Variants in FAM168A observed in about 807,000 individuals in gnomAD.
FAM168A encodes family with sequence similarity 168 member A.
A neutral mutation model predicts 28.5 loss-of-function variants in FAM168A; 3 were observed. The ratio of observed to expected loss-of-function variants is 0.11; its 90% CI spans 0.05 to 0.27. The LOEUF is 0.27. FAM168A is among the 10% of genes least tolerant of loss of function. The pLI is 1.00. For missense variants in FAM168A, 222 were observed against 311.5 expected, an observed-to-expected ratio of 0.71 and a Z score of 2.16; for synonymous variants, 122 against 124.2, an observed-to-expected ratio of 0.98 and a Z score of 0.12.
intron 1 of FAM168A, among the ~76,000 whole-genome samples, chr11:73,549,857 C>T (rs1339996912): frequency 1.3e-5 from 2 of 152,192 alleles, no homozygotes; most frequent in Non-Finnish European, 2.9e-5. Context: ...TCCTTCACCC[C>T]AAACCGAAGT....
At chr11:73,543,744 C>G (rs1943687738) in intron 1 of FAM168A, among the ~76,000 whole-genome samples, 1 of 152,178 alleles carries the variant, frequency 6.6e-6, no homozygotes. Flanking sequence ...CTCTGGGACT[C>G]TCTTATAATC....
At chr11:73,554,915 C>G (rs1259425162) in intron 1 of FAM168A, among the ~76,000 whole-genome samples, 1 of 152,118 alleles carries the variant, frequency 6.6e-6, no homozygotes, top group Non-Finnish European at 1.5e-5. Context: ...CTGCTAAAAT[C>G]CATAAGTTCC....
At chr11:73,414,463 T>A (rs1198926232) in intron 4 of FAM168A, among the ~76,000 whole-genome samples, 1 of 152,138 alleles carries the variant, frequency 6.6e-6, no homozygotes, top group African/African-American at 2.4e-5. Flanking sequence ...CACCCCTGAA[T>A]CAGAAGGTGC....
chr11:73,585,564 T>C (rs1349771996), intron 1 of FAM168A, among the ~76,000 whole-genome samples: 1 of 152,154 alleles, frequency 6.6e-6, no homozygotes, highest in Admixed American at 6.5e-5. Flanking sequence ...GTTTTACATT[T>C]ATCATCAAGA....
At chr11:73,562,600 G>C (rs1289178264) in intron 1 of FAM168A, among the ~76,000 whole-genome samples, 2 of 152,124 alleles carry the variant, frequency 1.3e-5, no homozygotes, top group African/African-American at 4.8e-5. Flanking sequence ...GCTGAGGCAG[G>C]CAGATCACCT....
intron 1 of FAM168A, among the ~76,000 whole-genome samples, chr11:73,518,264 T>C (rs1943330668): frequency 6.6e-6 from 1 of 152,084 alleles, no homozygotes; most frequent in Non-Finnish European, 1.5e-5. Flanking sequence ...ACAGATTGTA[T>C]TTTCCAAAGA....
At chr11:73,525,309 T>C (rs1020091530) in intron 1 of FAM168A, among the ~76,000 whole-genome samples, 1 of 152,208 alleles carries the variant, frequency 6.6e-6, no homozygotes, top group East Asian at 1.9e-4. Flanking sequence ...CAATTTTTTT[T>C]AAACTGGGGA....
chr11:73,447,275 A>G (rs559501044), intron 2 of FAM168A, among the ~76,000 whole-genome samples: 147 of 152,164 alleles, frequency 9.7e-4, no homozygotes, highest in African/African-American at 3.5e-3. Context: ...ATTGCTGGGC[A>G]TGGTGCCTCA....
chr11:73,430,917 G>C lies in FAM168A; in HGVS notation c.71-147C>G. ...GTCTCTCCATGGGCTATTCCAGATAGTATATGTGACCAGCTTTCAGCCTCT... is the reference window on the plus strand; with the variant it reads ...GTCTCTCCATGGGCTATTCCAGATACTATATGTGACCAGCTTTCAGCCTCT... On this transcript the variant is annotated intron_variant, in intron 2 of 7. Coordinates refer to ENST00000356467, the MANE Select transcript of FAM168A (RefSeq NM_015159.3). The C allele has an allele frequency of 7.1e-6, 4 of 562,462 alleles. No individual in the cohort carries two copies. In the South Asian group the frequency reaches 7.4e-5, roughly 10 times the overall value. The allele number at this position is 562,462 out of a possible 1,614,324, so 34.8% of individuals were successfully genotyped here.
chr11:73,506,447 A>C (rs1187537063), intron 1 of FAM168A, among the ~76,000 whole-genome samples: 2 of 152,138 alleles, frequency 1.3e-5, no homozygotes, highest in East Asian at 1.9e-4. Context: ...GCAGTGATTC[A>C]AAATACTTTC....
At chr11:73,419,536 G>A (rs1044474599) in intron 4 of FAM168A, among the ~76,000 whole-genome samples, 1 of 151,984 alleles carries the variant, frequency 6.6e-6, no homozygotes, top group Non-Finnish European at 1.5e-5. Flanking sequence ...CTAGAGGGGG[G>A]AGCCCTCTCT....
At chr11:73,425,364 C>T (rs531724294) in intron 3 of FAM168A, among the ~76,000 whole-genome samples, 1 of 152,276 alleles carries the variant, frequency 6.6e-6, no homozygotes, top group Non-Finnish European at 1.5e-5. Context: ...TTCAGTTCTC[C>T]CAGGAACTGC....
At chr11:73,566,935 T>C (rs1264248668) in intron 1 of FAM168A, among the ~76,000 whole-genome samples, 1 of 152,176 alleles carries the variant, frequency 6.6e-6, no homozygotes, top group Non-Finnish European at 1.5e-5. Context: ...AGGCCATGTT[T>C]GCCAAGTTGA....
chr11:73,445,267 A>G (rs1487866839), intron 2 of FAM168A, among the ~76,000 whole-genome samples: 1 of 152,038 alleles, frequency 6.6e-6, no homozygotes, highest in East Asian at 1.9e-4. Context: ...CTCAAAAAAA[A>G]AAAAAAGATT....
At chr11:73,534,410 T>A (rs532443442) in intron 1 of FAM168A, among the ~76,000 whole-genome samples, 17 of 151,308 alleles carry the variant, frequency 1.1e-4, no homozygotes, top group African/African-American at 4.1e-4. Context: ...TTTATTTATT[T>A]TTTTTTTTTT....
chr11:73,443,870 T>C (rs748513228), intron 2 of FAM168A, among the ~76,000 whole-genome samples: 1 of 152,212 alleles, frequency 6.6e-6, no homozygotes, highest in Non-Finnish European at 1.5e-5. Flanking sequence ...TTCCTTCTCC[T>C]GTATCTGCAT....
chr11:73,584,124 A>G (rs1345318355), intron 1 of FAM168A, among the ~76,000 whole-genome samples: 1 of 152,036 alleles, frequency 6.6e-6, no homozygotes, highest in Non-Finnish European at 1.5e-5. Flanking sequence ...CTCCTCAATG[A>G]TGATTGATCT....
At chr11:73,440,669 A>C (rs1021839775) in intron 2 of FAM168A, among the ~76,000 whole-genome samples, 1 of 152,206 alleles carries the variant, frequency 6.6e-6, no homozygotes, top group African/African-American at 2.4e-5. Flanking sequence ...AAATAGGAGA[A>C]TATCAGAGTC....
chr11:73,419,067 C>T (rs906070201), intron 4 of FAM168A, among the ~76,000 whole-genome samples: 1 of 152,170 alleles, frequency 6.6e-6, no homozygotes, highest in Non-Finnish European at 1.5e-5. Flanking sequence ...ACCTTGGCCT[C>T]CCAAAGTGCT....
Sources: gnomAD v4.1 joint callset for allele counts (sites outside exome capture counted in the v4.1 genomes callset) on GRCh38, gnomAD v4.1.1 for gene constraint, MANE v1.5 for transcripts, NCBI Gene and HGNC (gene_info 2026-07-23, HGNC 2026-07-21) for gene names.